Variants in DGKB observed in about 807,000 individuals in gnomAD.
The protein encoded by DGKB is 90 kDa diacylglycerol kinase.
DGKB carries 67 observed loss-of-function variants against 114.3 expected under a neutral mutation model. The ratio of observed to expected loss-of-function variants is 0.59; its 90% confidence interval spans 0.48 to 0.72. The LOEUF is 0.72. DGKB is among the 30% of genes least tolerant of loss of function. The pLI is 0.00. For missense variants in DGKB, 907 were observed against 975.2 expected (o/e 0.93, Z 0.93); for synonymous variants, 398 against 323.1 (o/e 1.23, Z -2.49).
chr7:14,267,497 TA>T (rs1797688230), intron 23 of DGKB, among the ~76,000 whole-genome samples: 2 of 151,736 alleles, frequency 1.3e-5, no homozygotes, highest in Admixed American at 1.3e-4. Context: ...TTTTATTATT[TA>T]TTTTTTTTGA....
At chr7:14,689,205 T>A (rs940314769) in intron 9 of DGKB, among the ~76,000 whole-genome samples, 48 of 121,204 alleles carry the variant, frequency 4.0e-4, no homozygotes, top group African/African-American at 1.2e-3. Context: ...TCTTATTTTT[T>A]TTTTTTTTTT....
At chr7:14,184,352 C>G (rs1412977169) in intron 23 of DGKB, among the ~76,000 whole-genome samples, 1 of 152,152 alleles carries the variant, frequency 6.6e-6, no homozygotes, top group Non-Finnish European at 1.5e-5. Context: ...GGGGAAGAAC[C>G]AAGACCTTTT....
chr7:14,238,146 G>C (rs1362445421), intron 23 of DGKB, among the ~76,000 whole-genome samples: 4 of 152,006 alleles, frequency 2.6e-5, no homozygotes, highest in Non-Finnish European at 5.9e-5. Context: ...GTTTGGCTCT[G>C]TGTCCCCACC....
chr7:14,620,947 A>G (rs926766372), intron 15 of DGKB, among the ~76,000 whole-genome samples: 3 of 151,780 alleles, frequency 2.0e-5, no homozygotes, highest in African/African-American at 7.2e-5. Context: ...ATATTTATTT[A>G]GAAAAAAATG....
intron 2 of DGKB, among the ~76,000 whole-genome samples, chr7:14,798,123 A>G (rs968061640): frequency 2.0e-5 from 3 of 152,170 alleles, no homozygotes; most frequent in Admixed American, 1.3e-4. Flanking sequence ...GTTAAAAGCC[A>G]TAATTCAGAA....
At chr7:14,729,215 T>A (rs569392790) in intron 5 of DGKB, among the ~76,000 whole-genome samples, 1 of 146,582 alleles carries the variant, frequency 6.8e-6, no homozygotes, top group Non-Finnish European at 1.5e-5. Context: ...CTCCGCCTCC[T>A]GGGTTCACGC....
In DGKB at chr7:14,694,210, T is replaced by A; in HGVS notation, c.592-16A>T. Reference sequence around the variant, plus strand: ...CATGGAGGATCTGGAGTAGAGGAGATAAGGGAAAATTGGTGGTCAACCAAT... The same window carrying A: ...CATGGAGGATCTGGAGTAGAGGAGAAAAGGGAAAATTGGTGGTCAACCAAT... On this transcript the variant is annotated splice_polypyrimidine_tract_variant and intron_variant, in intron 8 of 25. Coordinates refer to ENST00000402815, the MANE Select transcript of DGKB (RefSeq NM_001350709.2). The A allele has an allele frequency of 6.4e-7, 1 of 1,552,462 alleles. No individual in the cohort carries two copies. Among genetic ancestry groups the A allele is most frequent in the Non-Finnish European group, 8.7e-7 (1 of 1,148,000 alleles).
At chr7:14,610,605 A>T (rs1805372862) in intron 16 of DGKB, among the ~76,000 whole-genome samples, 1 of 152,076 alleles carries the variant, frequency 6.6e-6, no homozygotes, top group Non-Finnish European at 1.5e-5. Flanking sequence ...AATTCTTATG[A>T]TATTTACTGA....
intron 1 of DGKB, among the ~76,000 whole-genome samples, chr7:14,967,513 G>C (rs1465490728): frequency 6.6e-6 from 1 of 151,486 alleles, no homozygotes; most frequent in Non-Finnish European, 1.5e-5. Flanking sequence ...TAGAGACGAG[G>C]TTTCACCATG....
chr7:14,823,934 A>T (rs974320684), intron 2 of DGKB, among the ~76,000 whole-genome samples: 3 of 152,200 alleles, frequency 2.0e-5, no homozygotes, highest in Non-Finnish European at 4.4e-5. Context: ...AGACTGGATC[A>T]TTTATAAAAG....
intron 20 of DGKB, among the ~76,000 whole-genome samples, chr7:14,555,223 A>G (rs1795709978): frequency 1.3e-5 from 2 of 152,116 alleles, no homozygotes; most frequent in Admixed American, 1.3e-4. Flanking sequence ...TCCCTCTCCA[A>G]TGATTTGATA....
intron 10 of DGKB, among the ~76,000 whole-genome samples, chr7:14,685,007 G>A (rs1378607378): frequency 1.3e-5 from 2 of 152,110 alleles, no homozygotes; most frequent in Non-Finnish European, 2.9e-5. Flanking sequence ...ACAGTGGAAA[G>A]AAAATTGCTG....
At chr7:14,366,716 T>A (rs1044756381) in intron 21 of DGKB, among the ~76,000 whole-genome samples, 1 of 152,180 alleles carries the variant, frequency 6.6e-6, no homozygotes, top group African/African-American at 2.4e-5. Flanking sequence ...TTATGGCATC[T>A]AATATTATAA....
chr7:14,360,448 G>GTATATATATATATATATATATATA lies in DGKB; in HGVS notation c.1836-15058_1836-15057insTATATATATATATATATATATATA, dbSNP rs112459240. Among the ~76,000 whole-genome samples the GTATATATATATATATATATATATA allele has an allele frequency of 2.3e-3, 344 of 146,920 alleles. 1 individual carries two copies. Among genetic ancestry groups the GTATATATATATATATATATATATA allele is most frequent in the South Asian group, 5.4e-3 (25 of 4,654 alleles). The stretch of plus-strand genomic sequence containing the variant: ...GTGCACATGTACCCTAGAACTTAAA[G>GTATATATATATATATATATATATA]TATATATATATATATATAAAGAATA... On this transcript the variant is annotated intron_variant, in intron 21 of 25. Coordinates refer to ENST00000402815, the MANE Select transcript of DGKB (RefSeq NM_001350709.2).
intron 20 of DGKB, among the ~76,000 whole-genome samples, chr7:14,508,812 G>A (rs57571258): frequency 0.018 from 2,779 of 152,184 alleles, 73 homozygotes; most frequent in African/African-American, 0.062. Context: ...CTTGACCCCA[G>A]ATCTAGTGTT....
chr7:14,205,671 G>T (rs903555426), intron 23 of DGKB, among the ~76,000 whole-genome samples: 2 of 151,920 alleles, frequency 1.3e-5, no homozygotes, highest in East Asian at 3.9e-4. Flanking sequence ...GACAGGACAT[G>T]CTCTTTCCAA....
intron 20 of DGKB, among the ~76,000 whole-genome samples, chr7:14,530,194 T>C (rs1791335230): frequency 6.6e-6 from 1 of 151,636 alleles, no homozygotes; most frequent in Non-Finnish European, 1.5e-5. Context: ...TTACAATTGC[T>C]TTTCAAAAAA....
At chr7:14,422,351 G>A (rs1377450627) in intron 21 of DGKB, among the ~76,000 whole-genome samples, 2 of 151,960 alleles carry the variant, frequency 1.3e-5, no homozygotes, top group East Asian at 1.9e-4. Context: ...AGATTTTTCT[G>A]TTGCAAACAT....
intron 23 of DGKB, among the ~76,000 whole-genome samples, chr7:14,204,510 C>G (rs1786433146): frequency 6.6e-6 from 1 of 151,982 alleles, no homozygotes; most frequent in African/African-American, 2.4e-5. Flanking sequence ...GACCACCTCT[C>G]TACTTACATT....
Sources: gnomAD v4.1 joint callset for allele counts (sites outside exome capture counted in the v4.1 genomes callset) on GRCh38, gnomAD v4.1.1 for gene constraint, MANE v1.5 for transcripts, NCBI Gene and HGNC (gene_info 2026-07-23, HGNC 2026-07-21) for gene names.